NFIB: variants seen among roughly 807,000 people sequenced by gnomAD.
NFIB encodes the protein nuclear factor 1 B-type.
In NFIB, 11 loss-of-function variants were observed where a neutral mutation model predicts 61.5. That is an observed-to-expected ratio of 0.18 (90% confidence interval 0.11 to 0.30). The LOEUF (loss-of-function observed/expected upper bound fraction) is 0.30, where lower values mean the gene tolerates loss of function less well. Among genes scored for constraint, NFIB ranks in the 10% least tolerant of loss-of-function variants. The pLI is 1.00. For missense variants in NFIB, 471 were observed against 608.9 expected (o/e 0.77, Z 2.38); for synonymous variants, 260 against 216.5 (o/e 1.20, Z -1.76).
At chr9:14,182,915 G>T (rs1190157296) in intron 2 of NFIB, among the ~76,000 whole-genome samples, 1 of 151,730 alleles carries the variant, frequency 6.6e-6, no homozygotes, top group Non-Finnish European at 1.5e-5. Context: ...ATCACATTAA[G>T]CACCAAAAGC....
At chr9:14,344,237 G>C (rs1275269735) in intron 1 of NFIB, among the ~76,000 whole-genome samples, 1 of 152,002 alleles carries the variant, frequency 6.6e-6, no homozygotes, top group East Asian at 1.9e-4. Flanking sequence ...CACACACAGA[G>C]AGAGTCACAC....
chr9:14,227,275 AT>A (rs2052551990), intron 2 of NFIB, among the ~76,000 whole-genome samples: 1 of 152,242 alleles, frequency 6.6e-6, no homozygotes. Context: ...CATTGTCTAA[AT>A]GGATTCCCAG....
At chr9:14,410,209 A>G in the NFIB span, among the ~76,000 whole-genome samples, 1 of 152,128 alleles carries the variant, frequency 6.6e-6, no homozygotes, top group East Asian at 1.9e-4. Context: ...AAAAAAAAAA[A>G]AAACTTTTCC....
In NFIB at chr9:14,227,374, A is replaced by C. The variant is rs140509219; in HGVS notation, c.563-47594T>G. On this transcript the variant is annotated intron_variant, in intron 2 of 10. Coordinates refer to ENST00000380953, the MANE Select transcript of NFIB (RefSeq NM_001190737.2). ...TTTCTAGGTCAGTATAGGGCATGAA[A>C]TATTAGGAAGTACTCAAAACTATCT... Among the ~76,000 whole-genome samples the C allele has an allele frequency of 5.3e-4, 80 of 152,288 alleles. 1 individual carries two copies. Among genetic ancestry groups the C allele is most frequent in the Admixed American group, 8.5e-4 (13 of 15,292 alleles).
At chr9:14,343,419 A>G (rs999969690) in intron 1 of NFIB, among the ~76,000 whole-genome samples, 13 of 152,100 alleles carry the variant, frequency 8.5e-5, no homozygotes, top group African/African-American at 3.1e-4. Flanking sequence ...GCAGCCCAGT[A>G]GAGAGACGTG....
chr9:14,174,399 T>C (rs1362046817), intron 3 of NFIB, among the ~76,000 whole-genome samples: 1 of 152,150 alleles, frequency 6.6e-6, no homozygotes, highest in Non-Finnish European at 1.5e-5. Context: ...AGTGCATTTT[T>C]CCTCATTAAA....
chr9:14,515,082 C>T, the NFIB span, among the ~76,000 whole-genome samples: 1 of 152,054 alleles, frequency 6.6e-6, no homozygotes, highest in Non-Finnish European at 1.5e-5. Context: ...CACTTTATTG[C>T]ACTGCAGCTA....
At chr9:14,440,274 C>T in the NFIB span, among the ~76,000 whole-genome samples, 7 of 152,142 alleles carry the variant, frequency 4.6e-5, no homozygotes, top group African/African-American at 7.2e-5. Context: ...ACAGAGCACA[C>T]GCTGACTAGA....
intron 10 of NFIB, among the ~76,000 whole-genome samples, chr9:14,111,197 A>G (rs1196085196): frequency 3.3e-5 from 5 of 152,084 alleles, no homozygotes; most frequent in Non-Finnish European, 7.4e-5. Context: ...TAAAATTCAT[A>G]TTTTCATGAT....
intron 2 of NFIB, among the ~76,000 whole-genome samples, chr9:14,196,116 C>T (rs1162252121): frequency 1.3e-5 from 2 of 152,026 alleles, no homozygotes; most frequent in Middle Eastern, 3.4e-3. Flanking sequence ...CTTAATTTTC[C>T]GTTCACCTGT....
At chr9:14,387,948 T>A (rs635175) in intron 1 of NFIB, among the ~76,000 whole-genome samples, 150,916 of 152,294 alleles carry the variant, frequency 0.99, 74,777 homozygotes, top group East Asian at 1. Flanking sequence ...CAGGTCCCAC[T>A]TCTTCTACCC....
chr9:14,302,781 C>G (rs2059818472), intron 2 of NFIB, among the ~76,000 whole-genome samples: 1 of 152,080 alleles, frequency 6.6e-6, no homozygotes, highest in Non-Finnish European at 1.5e-5. Context: ...CCTTTTTTCC[C>G]CTTCAGACAG....
At chr9:14,294,898 AG>A (rs1470609109) in intron 2 of NFIB, among the ~76,000 whole-genome samples, 1 of 152,154 alleles carries the variant, frequency 6.6e-6, no homozygotes, top group Admixed American at 6.6e-5. Context: ...GTGCAAAGTG[AG>A]GGGTGCAGTT....
At chr9:14,509,564 C>T in the NFIB span, among the ~76,000 whole-genome samples, 1 of 152,186 alleles carries the variant, frequency 6.6e-6, no homozygotes, top group African/African-American at 2.4e-5. Context: ...GCAAGTTTCA[C>T]AGATAGCCTG....
At chr9:14,255,812 G>C (rs1311898857) in intron 2 of NFIB, among the ~76,000 whole-genome samples, 1 of 152,224 alleles carries the variant, frequency 6.6e-6, no homozygotes, top group Non-Finnish European at 1.5e-5. Flanking sequence ...TCACATATAA[G>C]AGAAATGATC....
chr9:14,295,360 T>C (rs1563984979), intron 2 of NFIB, among the ~76,000 whole-genome samples: 1 of 152,080 alleles, frequency 6.6e-6, no homozygotes, highest in Non-Finnish European at 1.5e-5. Flanking sequence ...GCGCGGTGGC[T>C]CATGCCTGTA....
intron 1 of NFIB, among the ~76,000 whole-genome samples, chr9:14,373,598 T>C (rs1013459796): frequency 2.0e-5 from 3 of 152,080 alleles, no homozygotes; most frequent in Non-Finnish European, 4.4e-5. Flanking sequence ...TCTTTTACAG[T>C]TTCTTGTAGA....
the NFIB span, among the ~76,000 whole-genome samples, chr9:14,486,291 A>T: frequency 3.9e-5 from 6 of 152,296 alleles, no homozygotes; most frequent in East Asian, 9.7e-4. Context: ...AACCCTCAAG[A>T]GTAGCCATCT....
At chr9:14,259,158 T>A (rs1423505500) in intron 2 of NFIB, among the ~76,000 whole-genome samples, 1 of 152,184 alleles carries the variant, frequency 6.6e-6, no homozygotes, top group African/African-American at 2.4e-5. Flanking sequence ...CATTGTTACA[T>A]ACAAAGCTCA....
Sources: gnomAD v4.1 joint callset for allele counts (sites outside exome capture counted in the v4.1 genomes callset) on GRCh38, gnomAD v4.1.1 for gene constraint, MANE v1.5 for transcripts, NCBI Gene and HGNC (gene_info 2026-07-23, HGNC 2026-07-21) for gene names.